SLC14A2: variants seen among roughly 807,000 people sequenced by gnomAD.
SLC14A2 encodes solute carrier family 14 member 2.
SLC14A2 carries 91 observed loss-of-function variants against 104.6 expected under a neutral mutation model. The observed-to-expected ratio is 0.87, with a 90% CI of 0.73 to 1.04. The LOEUF (loss-of-function observed/expected upper bound fraction) is 1.04, where lower values mean the gene tolerates loss of function less well. Among genes scored for constraint, SLC14A2 ranks in the 50% least tolerant of loss-of-function variants. The pLI, the probability that SLC14A2 is intolerant of heterozygous loss-of-function variation, is 0.00. For synonymous variants in SLC14A2, 476 were observed against 466.4 expected, an observed-to-expected ratio of 1.02 and a Z score of -0.27; for missense variants, 1,189 against 1,156.0, an observed-to-expected ratio of 1.03 and a Z score of -0.41.
chr18:45,448,508 A>G (rs881568), intron 1 of SLC14A2, among the ~76,000 whole-genome samples: 49,228 of 152,062 alleles, frequency 0.32, 9,814 homozygotes, highest in African/African-American at 0.54. Flanking sequence ...ATGATTTGAG[A>G]AAGAAATGAC....
chr18:45,353,212 A>G (rs1250452220), intron 1 of SLC14A2, among the ~76,000 whole-genome samples: 5 of 152,232 alleles, frequency 3.3e-5, no homozygotes, highest in Non-Finnish European at 5.9e-5. Flanking sequence ...AGTCCTTCTC[A>G]GGCCATAGTT....
chr18:45,183,906 A>ATTTTTTTTTTTTTTTTTTTTTTTT, the SLC14A2 span, among the ~76,000 whole-genome samples: 1 of 62,698 alleles, frequency 1.6e-5, no homozygotes, highest in Non-Finnish European at 2.7e-5. Context: ...TAATTTTCTA[A>ATTTTTTTTTTTTTTTTTTTTTTTT]TTTTTTTTTT....
At chr18:45,682,232 C>T (rs2144673187) in intron 19 of SLC14A2, 87 bp from the exon 20 acceptor site, 1 of 1,174,290 alleles carries the variant, frequency 8.5e-7, no homozygotes. Context: ...CCCTCATGTC[C>T]CCAGGGCTGT....
the SLC14A2 span, among the ~76,000 whole-genome samples, chr18:45,185,775 A>G: frequency 6.6e-6 from 1 of 152,322 alleles, no homozygotes; most frequent in East Asian, 1.9e-4. Context: ...GAGAACTAAT[A>G]AGTGAATTTA....
At chr18:45,563,037 A>C (rs554951254) in intron 2 of SLC14A2, among the ~76,000 whole-genome samples, 4 of 152,332 alleles carry the variant, frequency 2.6e-5, no homozygotes, top group African/African-American at 7.2e-5. Context: ...GAAAATGAAA[A>C]CATTAAATTT....
At chr18:45,357,000 C>T (rs1164710013) in intron 1 of SLC14A2, among the ~76,000 whole-genome samples, 4 of 152,180 alleles carry the variant, frequency 2.6e-5, no homozygotes, top group Non-Finnish European at 5.9e-5. Flanking sequence ...GCAGGCTTCA[C>T]TGGCCTCATC....
the SLC14A2 span, among the ~76,000 whole-genome samples, chr18:45,204,260 T>C: frequency 6.6e-6 from 1 of 152,178 alleles, no homozygotes; most frequent in Non-Finnish European, 1.5e-5. Flanking sequence ...CAAGAGGACA[T>C]ATTTACAGCT....
At chr18:45,617,580 G>C (rs1324012551) in intron 1 of SLC14A2, among the ~76,000 whole-genome samples, 1 of 152,108 alleles carries the variant, frequency 6.6e-6, no homozygotes, top group East Asian at 1.9e-4. Flanking sequence ...CCCTGAGTAA[G>C]GCACCTCTCA....
intron 3 of SLC14A2, 24 bp from the exon 4 acceptor site, chr18:45,626,934 T>C (rs1429874869): frequency 1.3e-5 from 21 of 1,595,776 alleles, no homozygotes; most frequent in Non-Finnish European, 1.6e-5. Flanking sequence ...GACCTGCTGA[T>C]GGCTCGCTCT....
chr18:45,453,002 C>A (rs1199565974), intron 1 of SLC14A2, among the ~76,000 whole-genome samples: 2 of 152,122 alleles, frequency 1.3e-5, no homozygotes, highest in Non-Finnish European at 2.9e-5. Flanking sequence ...AGTGTTCAAC[C>A]CCGGACATCT....
chr18:45,490,609 A>G (rs949568479), intron 2 of SLC14A2, among the ~76,000 whole-genome samples: 1 of 152,234 alleles, frequency 6.6e-6, no homozygotes. Flanking sequence ...GACTATGTTA[A>G]AATTTAAGAC....
intron 16 of SLC14A2, 24 bp downstream of exon 16, chr18:45,669,522 G>A (rs2046093439): frequency 6.3e-7 from 1 of 1,598,216 alleles, no homozygotes; most frequent in Non-Finnish European, 8.6e-7. Context: ...AAGGAGGAAG[G>A]GCAGGTCTGT....
intron 1 of SLC14A2, among the ~76,000 whole-genome samples, chr18:45,475,641 GGATA>G (rs1568227819): frequency 1.7e-4 from 2 of 11,644 alleles, no homozygotes; most frequent in Non-Finnish European, 3.9e-4. Flanking sequence ...TATATATTTA[GGATA>G]TATATATATA....
chr18:45,417,015 C>T (rs2086285058), intron 1 of SLC14A2, among the ~76,000 whole-genome samples: 1 of 152,146 alleles, frequency 6.6e-6, no homozygotes, highest in South Asian at 2.1e-4. Context: ...CACAAATCCG[C>T]AAGATGGACC....
intron 2 of SLC14A2, among the ~76,000 whole-genome samples, chr18:45,592,940 T>C (rs2044668967): frequency 1.3e-5 from 2 of 152,206 alleles, no homozygotes; most frequent in African/African-American, 4.8e-5. Context: ...CTCTCCAACC[T>C]GATGGAATCC....
intron 1 of SLC14A2, among the ~76,000 whole-genome samples, chr18:45,444,819 A>G (rs2086738165): frequency 6.6e-6 from 1 of 152,160 alleles, no homozygotes; most frequent in African/African-American, 2.4e-5. Flanking sequence ...CAGGGAGCCT[A>G]TGAGAGGTGG....
rs77870988 is a variant in SLC14A2, at chr18:45,292,008, C to T, written c.-125+78817C>T. ...GAAGGCAATTCTTTTCAGCCATTTGCTTTGTGCAGCCCTCCCCTTTCCTGG... is the reference window on the plus strand; with the variant it reads ...GAAGGCAATTCTTTTCAGCCATTTGTTTTGTGCAGCCCTCCCCTTTCCTGG... On this transcript the variant is annotated intron_variant, in intron 1 of 20. Coordinates refer to the SLC14A2 transcript ENST00000586448. Among the ~76,000 whole-genome samples, 782 of 152,280 alleles carry T rather than the reference C, an allele frequency of 5.1e-3. 10 individuals are homozygous for T. The highest frequency in any genetic ancestry group is 0.017 in the African/African-American group (712 of 41,548).
In SLC14A2 at chr18:45,341,005, C is replaced by A. The variant is rs147474633; in HGVS notation, c.-125+127814C>A. 3.4e-3 allele frequency among the ~76,000 whole-genome samples: 525 copies of A among 152,276 alleles called. 4 individuals carry two copies. The highest frequency in any genetic ancestry group is 0.011 in the African/African-American group (468 of 41,544). ...AGAAGATAAGAAAAACAATTCTGAG[C>A]CATCCTCCTGTCATCCAGCCAGGAA... On this transcript the variant is annotated intron_variant, in intron 1 of 20. Transcript: ENST00000586448.
chr18:45,640,638 T>A (rs1196060144), intron 7 of SLC14A2, among the ~76,000 whole-genome samples: 3 of 152,258 alleles, frequency 2.0e-5, no homozygotes, highest in Non-Finnish European at 4.4e-5. Flanking sequence ...TTTTCAAAGA[T>A]TTTTTTGGAA....
Sources: allele counts gnomAD v4.1 joint callset (sites outside exome capture counted in the v4.1 genomes callset), GRCh38; gene constraint gnomAD v4.1.1; transcripts MANE v1.5; gene names NCBI Gene and HGNC (gene_info 2026-07-23, HGNC 2026-07-21).